The following ZMAT4 variants were observed in gnomAD, a reference collection of about 807,000 sequenced individuals.
ZMAT4 encodes zinc finger matrin-type protein 4.
A neutral mutation model predicts 28.7 loss-of-function variants in ZMAT4; 17 were observed. The ratio of observed to expected loss-of-function variants is 0.59; its 90% CI spans 0.41 to 0.89. The LOEUF (loss-of-function observed/expected upper bound fraction) is 0.89. Among genes scored for constraint, ZMAT4 ranks in the 40% least tolerant of loss-of-function variants. The pLI is 0.00. For missense variants in ZMAT4, 240 were observed against 283.8 expected (o/e 0.85, Z 1.11); for synonymous variants, 117 against 109.2 (o/e 1.07, Z -0.44).
intron 5 of ZMAT4, among the ~76,000 whole-genome samples, chr8:40,645,395 C>T (rs1405564622): frequency 6.6e-6 from 1 of 152,008 alleles, no homozygotes; most frequent in Non-Finnish European, 1.5e-5. Context: ...ATGACATAAT[C>T]AATATTGTGT....
At chr8:40,641,263 G>A (rs79555950) in intron 5 of ZMAT4, among the ~76,000 whole-genome samples, 65 of 152,254 alleles carry the variant, frequency 4.3e-4, no homozygotes, top group African/African-American at 9.4e-4. Flanking sequence ...CAAAATTACC[G>A]CTAAAAGCCT....
intron 1 of ZMAT4, among the ~76,000 whole-genome samples, chr8:40,845,776 T>TAAAAAA (rs71224858): frequency 1.5e-5 from 2 of 129,634 alleles, no homozygotes; most frequent in African/African-American, 6.2e-5. Flanking sequence ...ACTTAGTAGT[T>TAAAAAA]AAAAAAAAAA....
intron 6 of ZMAT4, among the ~76,000 whole-genome samples, chr8:40,532,998 T>C (rs1015475143): frequency 1.3e-5 from 2 of 151,104 alleles, no homozygotes; most frequent in Non-Finnish European, 2.9e-5. Flanking sequence ...AAAAAAAAAA[T>C]TCTTTCTGGC....
intron 5 of ZMAT4, among the ~76,000 whole-genome samples, chr8:40,668,821 G>A (rs376450032): frequency 1.3e-4 from 20 of 151,340 alleles, no homozygotes; most frequent in African/African-American, 4.6e-4. Context: ...TGGCTCCATC[G>A]ATGCTTTGTC....
chr8:40,581,689 ATCAC>A (rs1804468472), intron 5 of ZMAT4, among the ~76,000 whole-genome samples: 1 of 152,210 alleles, frequency 6.6e-6, no homozygotes, highest in African/African-American at 2.4e-5. Context: ...AACTTTAGAC[ATCAC>A]TCATTTAGGT....
intron 3 of ZMAT4, among the ~76,000 whole-genome samples, chr8:40,759,911 C>T (rs1812856490): frequency 1.3e-5 from 2 of 152,164 alleles, no homozygotes; most frequent in South Asian, 4.1e-4. Context: ...GACACAAACT[C>T]TCCCAATTCC....
chr8:40,851,649 C>A (rs1817110643), intron 1 of ZMAT4, among the ~76,000 whole-genome samples: 1 of 152,164 alleles, frequency 6.6e-6, no homozygotes, highest in Non-Finnish European at 1.5e-5. Flanking sequence ...CCTAGTGACA[C>A]TGTGATACAT....
At chr8:40,705,713 A>G (rs954958572) in intron 3 of ZMAT4, among the ~76,000 whole-genome samples, 21 of 152,232 alleles carry the variant, frequency 1.4e-4, no homozygotes, top group African/African-American at 5.1e-4. Flanking sequence ...TCACATAGCA[A>G]TAATTTTTGT....
At chr8:40,596,328 TA>T (rs1162262260) in intron 5 of ZMAT4, among the ~76,000 whole-genome samples, 33 of 152,220 alleles carry the variant, frequency 2.2e-4, no homozygotes, top group African/African-American at 8.0e-4. Flanking sequence ...GCTTCAATAA[TA>T]AATCAACTTC....
At position 40,897,785 on chromosome 8, in the gene ZMAT4, C is replaced by T. The variant is rs1294056713; in HGVS notation, c.-107G>A. The T allele has an allele frequency of 6.6e-6, 1 of 152,230 alleles. No homozygotes were observed. The highest frequency in any genetic ancestry group is 1.5e-5 in the Non-Finnish European group (1 of 68,082). The allele number at this position is 152,230 out of a possible 1,614,324, so 9.4% of individuals were successfully genotyped here. ...GGAGCACGCTGAGGATTACACGTTCCTGTCTCTGCGACCAGACCTTTCGGC... is the reference window on the plus strand; with the variant it reads ...GGAGCACGCTGAGGATTACACGTTCTTGTCTCTGCGACCAGACCTTTCGGC... On this transcript the variant is annotated 5_prime_UTR_variant, in exon 1 of 7. Coordinates refer to ENST00000297737, the MANE Select transcript of ZMAT4 (RefSeq NM_024645.3).
chr8:40,864,280 C>A (rs1287649481), intron 1 of ZMAT4, among the ~76,000 whole-genome samples: 1 of 152,208 alleles, frequency 6.6e-6, no homozygotes, highest in African/African-American at 2.4e-5. Context: ...GTTTCCTGTT[C>A]TCCTCTTACT....
intron 3 of ZMAT4, among the ~76,000 whole-genome samples, chr8:40,716,935 C>T (rs974900125): frequency 1.3e-5 from 2 of 152,184 alleles, no homozygotes; most frequent in Non-Finnish European, 2.9e-5. Flanking sequence ...TTTTCTCCTC[C>T]TGTTCCCTGG....
At chr8:40,875,754 C>A (rs151017926) in intron 1 of ZMAT4, among the ~76,000 whole-genome samples, 1 of 152,050 alleles carries the variant, frequency 6.6e-6, no homozygotes, top group African/African-American at 2.4e-5. Flanking sequence ...GTGCCCGGGC[C>A]GGTCAGGCAG....
At chr8:40,595,592 G>A (rs1041468455) in intron 5 of ZMAT4, among the ~76,000 whole-genome samples, 11 of 152,090 alleles carry the variant, frequency 7.2e-5, no homozygotes, top group African/African-American at 2.4e-4. Flanking sequence ...AATTCTGTAG[G>A]CCATTATTAT....
intron 1 of ZMAT4, among the ~76,000 whole-genome samples, chr8:40,838,864 G>A (rs1037507612): frequency 2.0e-5 from 3 of 152,122 alleles, no homozygotes; most frequent in Non-Finnish European, 4.4e-5. Context: ...GGAACTGAGT[G>A]GCTTAGAGAG....
chr8:40,833,607 A>G (rs1816370450), intron 1 of ZMAT4, among the ~76,000 whole-genome samples: 1 of 151,456 alleles, frequency 6.6e-6, no homozygotes, highest in Non-Finnish European at 1.5e-5. Context: ...GAGAAAGGGA[A>G]CAGCAGGCAG....
At chr8:40,568,246 G>T (rs953512340) in intron 6 of ZMAT4, among the ~76,000 whole-genome samples, 1 of 152,108 alleles carries the variant, frequency 6.6e-6, no homozygotes, top group Non-Finnish European at 1.5e-5. Context: ...AGAAATTAGG[G>T]TGTAATGGCC....
At chr8:40,871,132 G>A (rs558776071) in intron 1 of ZMAT4, among the ~76,000 whole-genome samples, 1 of 152,308 alleles carries the variant, frequency 6.6e-6, no homozygotes, top group African/African-American at 2.4e-5. Context: ...ACTCATTCAG[G>A]TAAAGACAGA....
intron 3 of ZMAT4, among the ~76,000 whole-genome samples, chr8:40,714,919 C>A (rs1218399608): frequency 2.6e-5 from 4 of 151,626 alleles, no homozygotes; most frequent in African/African-American, 9.7e-5. Context: ...CGTGGTGGCA[C>A]GCACCTGCAA....
Sources: allele counts gnomAD v4.1 joint callset (sites outside exome capture counted in the v4.1 genomes callset), GRCh38; gene constraint gnomAD v4.1.1; transcripts MANE v1.5; gene names NCBI Gene and HGNC (gene_info 2026-07-23, HGNC 2026-07-21).